Variants in ARHGEF18 observed in about 807,000 individuals in gnomAD.
ARHGEF18 encodes Rho/Rac guanine nucleotide exchange factor 18, also known as rho guanine nucleotide exchange factor 18.
ARHGEF18 carries 93 observed loss-of-function variants against 155.7 expected under a neutral mutation model. The ratio of observed to expected loss-of-function variants is 0.60; its 90% CI spans 0.50 to 0.71. The LOEUF (loss-of-function observed/expected upper bound fraction) is 0.71, where lower values mean the gene tolerates loss of function less well. Ranked by LOEUF, ARHGEF18 falls within the 30% of genes least tolerant of loss-of-function variation. The probability of loss-of-function intolerance (pLI) is 0.00; values close to 1 mark genes in which losing one functional copy is unlikely to be tolerated. For missense variants in ARHGEF18, 1,593 were observed against 1,816.1 expected (o/e 0.88, Z 2.23); for synonymous variants, 742 against 753.1 (o/e 0.99, Z 0.24).
chr19:7,479,917 A>C, the ARHGEF18 span, among the ~76,000 whole-genome samples: 1 of 152,100 alleles, frequency 6.6e-6, no homozygotes, highest in African/African-American at 2.4e-5. Context: ...GGTATATGGG[A>C]GCTCTCTGAA....
chr19:7,444,343 G>A lies in ARHGEF18; in HGVS notation c.1500G>A (p.Glu500=). ...RLFPCADDLL[E]THSHFLARLK... ...TCCCATGCGCTGACGACCTGCTGGA[G>A]ACGCACAGCCACTTCCTCGCTCGGC... The change falls in exon 14 of 29, where the codon GAG becomes GAA. Residue 500 remains glutamate, a synonymous_variant. Coordinates refer to ENST00000668164, the MANE Select transcript of ARHGEF18 (RefSeq NM_001367823.1). The surrounding 1 kb of genome is among the most constrained non-coding windows in gnomAD (Gnocchi z 4.7). The A allele has an allele frequency of 6.2e-7, 1 of 1,613,650 alleles. No individual in the cohort carries two copies. The highest frequency in any genetic ancestry group is 8.5e-7 in the Non-Finnish European group (1 of 1,180,030).
chr19:7,362,552 T>G (rs2145349833), intron 1 of ARHGEF18, among the ~76,000 whole-genome samples: 1 of 152,280 alleles, frequency 6.6e-6, no homozygotes, highest in South Asian at 2.1e-4. Context: ...AGCAGGAAAT[T>G]GACTCATGAT....
At chr19:7,458,737 G>C (rs1976010311) in intron 19 of ARHGEF18, 47 bp downstream of exon 19, 2 of 1,566,114 alleles carry the variant, frequency 1.3e-6, no homozygotes, top group Non-Finnish European at 1.7e-6. Flanking sequence ...TCCTTCCGCT[G>C]ATTGGTCCAC....
rs771069058 is a variant in ARHGEF18 at position 7,469,139 on chromosome 19, G to A, written c.3787+8G>A. ...AGCGCTGGGAGAGCTCAGGTGAGCC[G>A]GCCCCACCCCTTCGCCTGGGCCTGG... On this transcript the variant is annotated splice_region_variant and intron_variant, in intron 27 of 28. Transcript: ENST00000668164. 19 of 1,581,592 alleles carry A rather than the reference G, an allele frequency of 1.2e-5. No homozygotes were observed. The highest frequency in any genetic ancestry group is 2.1e-4 in the Middle Eastern group (1 of 4,840).
At chr19:7,477,239 G>C, downstream of ARHGEF18, 8 of 1,548,210 alleles carry the variant, frequency 5.2e-6, no homozygotes, top group Non-Finnish European at 6.9e-6. Context: ...GCCGGCCCGG[G>C]CCGCCTGGTA....
chr19:7,463,891 C>T lies in ARHGEF18; in HGVS notation c.2709C>T (p.Ser903=), dbSNP rs79442325. 1.3e-3 allele frequency: 2,097 copies of T among 1,600,820 alleles called. 19 individuals are homozygous for T. In the African/African-American group the frequency reaches 0.025, roughly 19 times the overall value. Residue 903 remains serine (S), a synonymous_variant, in exon 22 of 29, where the codon TCC becomes TCT. Coordinates refer to ENST00000668164, the MANE Select transcript of ARHGEF18 (RefSeq NM_001367823.1). This position sits in a 1 kb window ranked among gnomAD's most constrained non-coding sequence, Gnocchi z 5.2. ...GCCAGGCGGAAGACGGAGGCAGCTC[C>T]ACAGGCCCGCCCAGGAGGGCTGAGA... ...ANGQAEDGGS[S]TGPPRRAETF... is the part of the protein sequence containing the mutation.
intron 17 of ARHGEF18, among the ~76,000 whole-genome samples, chr19:7,455,356 G>A (rs1411452702): frequency 6.6e-6 from 1 of 152,218 alleles, no homozygotes; most frequent in Non-Finnish European, 1.5e-5. Context: ...CCAGCAGGCT[G>A]CAGTGTGAGA....
chr19:7,417,751 G>A (rs73921404), intron 10 of ARHGEF18, among the ~76,000 whole-genome samples: 25,009 of 152,064 alleles, frequency 0.16, 4,201 homozygotes, highest in African/African-American at 0.43. Context: ...CAGCAGCCAC[G>A]GGGGCCCAGT....
intron 1 of ARHGEF18, among the ~76,000 whole-genome samples, chr19:7,349,905 C>G (rs1176218333): frequency 6.6e-6 from 1 of 152,158 alleles, no homozygotes; most frequent in East Asian, 1.9e-4. Context: ...AAGAACCTCC[C>G]TGTTGCAGAT....
chr19:7,452,007 C>T (rs1221233313), intron 16 of ARHGEF18, among the ~76,000 whole-genome samples: 11 of 152,206 alleles, frequency 7.2e-5, no homozygotes, highest in Non-Finnish European at 1.6e-4. Flanking sequence ...CAGGCATGAG[C>T]CACCATGCCA....
intron 10 of ARHGEF18, among the ~76,000 whole-genome samples, chr19:7,416,794 G>A (rs1009364795): frequency 1.8e-4 from 18 of 101,056 alleles, no homozygotes; most frequent in African/African-American, 5.4e-4. Context: ...AAGTGGAAAC[G>A]GGGTTTCACT....
At chr19:7,427,163 T>A (rs1297178415) in intron 10 of ARHGEF18, among the ~76,000 whole-genome samples, 1 of 152,156 alleles carries the variant, frequency 6.6e-6, no homozygotes, top group African/African-American at 2.4e-5. Flanking sequence ...CACAGGATGT[T>A]TTAGGGCCCA....
intron 10 of ARHGEF18, among the ~76,000 whole-genome samples, chr19:7,425,596 T>C (rs539952964): frequency 1.3e-5 from 2 of 150,760 alleles, no homozygotes; most frequent in Non-Finnish European, 3.0e-5. Context: ...GCAGGAGAAT[T>C]GCTTGAACCT....
chr19:7,400,128 A>G (rs1410136211), intron 10 of ARHGEF18, among the ~76,000 whole-genome samples: 1 of 152,150 alleles, frequency 6.6e-6, no homozygotes, highest in African/African-American at 2.4e-5. Context: ...GGTTTCACTA[A>G]CAGTACACGT....
At chr19:7,427,135 C>G (rs1296866901) in intron 10 of ARHGEF18, among the ~76,000 whole-genome samples, 1 of 152,144 alleles carries the variant, frequency 6.6e-6, no homozygotes, top group Non-Finnish European at 1.5e-5. Flanking sequence ...TGTCGCAGAA[C>G]CTGCCAGGAA....
chr19:7,375,383 A>G (rs149761080), intron 3 of ARHGEF18, among the ~76,000 whole-genome samples: 1 of 114,982 alleles, frequency 8.7e-6, no homozygotes, highest in South Asian at 2.6e-4. Flanking sequence ...GGAAGAAAGA[A>G]AAGGAAGGAA....
intron 10 of ARHGEF18, among the ~76,000 whole-genome samples, chr19:7,436,525 C>G (rs1413911646): frequency 6.6e-6 from 1 of 152,082 alleles, no homozygotes; most frequent in Non-Finnish European, 1.5e-5. Flanking sequence ...TGATCCACCC[C>G]GCTCGGCCTC....
intron 6 of ARHGEF18, among the ~76,000 whole-genome samples, chr19:7,378,684 CTTTTTTTTT>C (rs548305968): frequency 3.4e-5 from 3 of 88,132 alleles, no homozygotes; most frequent in Non-Finnish European, 4.2e-5. Flanking sequence ...ACAATTGTGG[CTTTTTTTTT>C]TTTTTTTTTT....
intron 10 of ARHGEF18, among the ~76,000 whole-genome samples, chr19:7,426,853 GAA>G (rs1973697238): frequency 6.6e-6 from 1 of 152,172 alleles, no homozygotes; most frequent in Non-Finnish European, 1.5e-5. Flanking sequence ...TTTCCATGGA[GAA>G]TGCAGTTTCT....
Sources: gnomAD v4.1 joint callset for allele counts (sites outside exome capture counted in the v4.1 genomes callset) on GRCh38, gnomAD v4.1.1 for gene constraint, Gnocchi (gnomAD v3.1) non-coding constraint, MANE v1.5 for transcripts, NCBI Gene and HGNC (gene_info 2026-07-23, HGNC 2026-07-21) for gene names.